Variants in WDR70 observed in about 807,000 individuals in gnomAD.
The protein encoded by WDR70 is WD repeat-containing protein 70.
WDR70 carries 53 observed loss-of-function variants against 88.6 expected under a neutral mutation model. The ratio of observed to expected loss-of-function variants is 0.60; its 90% CI spans 0.48 to 0.75. The LOEUF (loss-of-function observed/expected upper bound fraction) is 0.75, where lower values mean the gene tolerates loss of function less well. WDR70 is among the 30% of genes least tolerant of loss of function. The pLI is 0.00. For synonymous variants in WDR70, 280 were observed against 270.0 expected, an observed-to-expected ratio of 1.04 and a Z score of -0.36; for missense variants, 610 against 823.2, an observed-to-expected ratio of 0.74 and a Z score of 3.17.
chr5:37,636,192 TA>T (rs1744960176), intron 10 of WDR70, among the ~76,000 whole-genome samples: 3 of 149,482 alleles, frequency 2.0e-5, no homozygotes, highest in African/African-American at 7.3e-5. Flanking sequence ...ACACAGGAGC[TA>T]ACTGGGAGGA....
At chr5:37,534,207 G>C (rs1031889319) in intron 9 of WDR70, among the ~76,000 whole-genome samples, 1 of 152,174 alleles carries the variant, frequency 6.6e-6, no homozygotes, top group Non-Finnish European at 1.5e-5. Flanking sequence ...ACACTGCTCT[G>C]CCTGTCTGAG....
intron 8 of WDR70, among the ~76,000 whole-genome samples, chr5:37,515,386 G>A (rs1740855985): frequency 6.6e-6 from 1 of 152,242 alleles, no homozygotes. Context: ...ATGATATGCA[G>A]ATAGAAATGT....
intron 9 of WDR70, among the ~76,000 whole-genome samples, chr5:37,596,623 G>T (rs1743708103): frequency 1.3e-5 from 2 of 152,292 alleles, no homozygotes; most frequent in South Asian, 4.1e-4. Flanking sequence ...CCTGGTCCTT[G>T]ACTCTGGAAC....
At position 37,628,158 on chromosome 5, in the gene WDR70, A is replaced by G. The variant is rs528019460; in HGVS notation, c.1092+22920A>G. Among the ~76,000 whole-genome samples the G allele has an allele frequency of 3.0e-4, 46 of 152,294 alleles. 1 individual carries two copies. Among genetic ancestry groups the G allele is most frequent in the African/African-American group, 8.7e-4 (36 of 41,568 alleles). ...AGGGTTGTCTCAAATTCCTGGCCTCAAGTGATCCTCTGCCTTGGCCTCTCA... is the reference window on the plus strand; with the variant it reads ...AGGGTTGTCTCAAATTCCTGGCCTCGAGTGATCCTCTGCCTTGGCCTCTCA... On this transcript the variant is annotated intron_variant, in intron 10 of 17. Coordinates refer to ENST00000265107, the MANE Select transcript of WDR70 (RefSeq NM_018034.4).
At chr5:37,501,024 C>T (rs1236907351) in intron 8 of WDR70, among the ~76,000 whole-genome samples, 1 of 152,116 alleles carries the variant, frequency 6.6e-6, no homozygotes, top group Non-Finnish European at 1.5e-5. Context: ...CAGGCGTGAG[C>T]CACCATACCT....
chr5:37,407,130 C>T (rs1293379599), intron 5 of WDR70, among the ~76,000 whole-genome samples: 1 of 152,140 alleles, frequency 6.6e-6, no homozygotes, highest in Non-Finnish European at 1.5e-5. Context: ...CCACTGTACT[C>T]CAGCCTGGGG....
In WDR70 at chr5:37,562,961, A is replaced by G. The variant is rs868644698; in HGVS notation, c.918-42103A>G. On this transcript the variant is annotated intron_variant, in intron 9 of 17. Coordinates refer to ENST00000265107, the MANE Select transcript of WDR70 (RefSeq NM_018034.4). ...ATGGCCCGTTCTCAATGAGCTGTTG[A>G]GTACACCTCCCAGACGGGGTGGTGG... Among the ~76,000 whole-genome samples, 178 of 149,502 alleles carry G rather than the reference A, an allele frequency of 1.2e-3. 1 individual carries two copies. Among genetic ancestry groups the G allele is most frequent in the Non-Finnish European group, 1.8e-3 (124 of 67,106 alleles).
intron 10 of WDR70, among the ~76,000 whole-genome samples, chr5:37,607,470 T>G (rs1464067163): frequency 6.6e-6 from 1 of 152,192 alleles, no homozygotes; most frequent in East Asian, 1.9e-4. Context: ...TGAACTTCAG[T>G]AAATTAAACA....
At chr5:37,648,124 G>T (rs947920656) in intron 10 of WDR70, among the ~76,000 whole-genome samples, 2 of 152,162 alleles carry the variant, frequency 1.3e-5, no homozygotes, top group Admixed American at 1.3e-4. Flanking sequence ...CTTTATCTGT[G>T]TTGGGAAGAA....
At chr5:37,386,663 T>C (rs1748626204) in intron 3 of WDR70, among the ~76,000 whole-genome samples, 1 of 152,178 alleles carries the variant, frequency 6.6e-6, no homozygotes, top group Non-Finnish European at 1.5e-5. Flanking sequence ...TATTTGTGGG[T>C]ATGTAAGTTT....
chr5:37,413,884 G>A (rs1180950752), intron 5 of WDR70, among the ~76,000 whole-genome samples: 3 of 151,506 alleles, frequency 2.0e-5, no homozygotes, highest in African/African-American at 7.3e-5. Flanking sequence ...AGTGGCTCAC[G>A]TCTGTAATCC....
chr5:37,725,330 G>T (rs989963364), intron 16 of WDR70, among the ~76,000 whole-genome samples: 2 of 151,936 alleles, frequency 1.3e-5, no homozygotes. Context: ...GGCCTCAGGG[G>T]AACTCGGGGG....
intron 9 of WDR70, among the ~76,000 whole-genome samples, chr5:37,584,531 C>T (rs1018037763): frequency 6.6e-6 from 1 of 152,138 alleles, no homozygotes; most frequent in African/African-American, 2.4e-5. Flanking sequence ...TTCAAATTTG[C>T]ACTGAATCAC....
At chr5:37,659,440 G>T (rs1235399465) in intron 10 of WDR70, among the ~76,000 whole-genome samples, 1 of 151,544 alleles carries the variant, frequency 6.6e-6, no homozygotes. Context: ...GTTTGTTATT[G>T]TCTTCCTTCT....
intron 8 of WDR70, among the ~76,000 whole-genome samples, chr5:37,505,094 A>C (rs1740520509): frequency 6.6e-6 from 1 of 152,208 alleles, no homozygotes; most frequent in Non-Finnish European, 1.5e-5. Context: ...GGTGGCTGTA[A>C]TCAAATGTCT....
chr5:37,477,407 C>T (rs1331187077), intron 7 of WDR70, among the ~76,000 whole-genome samples: 1 of 152,128 alleles, frequency 6.6e-6, no homozygotes, highest in Non-Finnish European at 1.5e-5. Context: ...CCCCCACATA[C>T]TTATTACCGT....
chr5:37,521,703 T>C (rs867483531), intron 9 of WDR70, among the ~76,000 whole-genome samples: 301 of 145,354 alleles, frequency 2.1e-3, no homozygotes, highest in Middle Eastern at 3.5e-3. Flanking sequence ...AGTCCAAGTA[T>C]ACACACACAC....
In WDR70 at chr5:37,724,905, T is replaced by C. The variant is rs1324225168; in HGVS notation, c.1598-29T>C. On this transcript the variant is annotated intron_variant, in intron 15 of 17. Coordinates refer to ENST00000265107, the MANE Select transcript of WDR70 (RefSeq NM_018034.4). The stretch of plus-strand genomic sequence containing the variant: ...TTGGATGGGAAGGTTATTGTTATAA[T>C]GAAATTTTTCAAATGTGACTTCTTG... 6.9e-6 allele frequency: 11 copies of C among 1,595,432 alleles called. No individual in the cohort carries two copies. The East Asian group carries it at 1.1e-4, about 16-fold the overall frequency.
chr5:37,504,890 A>T (rs1338797800), intron 8 of WDR70, among the ~76,000 whole-genome samples: 2 of 152,202 alleles, frequency 1.3e-5, no homozygotes, highest in Admixed American at 1.3e-4. Context: ...AGATATAAGG[A>T]CACCAGGTCA....
Sources: allele counts gnomAD v4.1 joint callset (sites outside exome capture counted in the v4.1 genomes callset), GRCh38; gene constraint gnomAD v4.1.1; transcripts MANE v1.5; gene names NCBI Gene and HGNC (gene_info 2026-07-23, HGNC 2026-07-21).